Variants in RHBDF2 observed in about 807,000 individuals in gnomAD.
RHBDF2 encodes the protein inactive rhomboid protein 2.
In RHBDF2, 38 loss-of-function variants were observed where a neutral mutation model predicts 95.2. That is an observed-to-expected ratio of 0.40 (90% confidence interval 0.31 to 0.52). The LOEUF is 0.52. RHBDF2 is among the 20% of genes least tolerant of loss of function. The probability of loss-of-function intolerance (pLI) is 0.56; values close to 1 mark genes in which losing one functional copy is unlikely to be tolerated. For synonymous variants in RHBDF2, 442 were observed against 462.0 expected (o/e 0.96, Z 0.55); for missense variants, 863 against 1,137.7 (o/e 0.76, Z 3.47).
At position 76,476,583 on chromosome 17, in the gene RHBDF2, G is replaced by A. The variant is rs1048755407; in HGVS notation, c.1115+247C>T. Reference sequence around the variant, plus strand: ...ACATTTGTTGACTGACTGCTGTCTGGGAGCAAGGCTGGGGACCAGGCTCAG... The same window carrying A: ...ACATTTGTTGACTGACTGCTGTCTGAGAGCAAGGCTGGGGACCAGGCTCAG... On this transcript the variant is annotated intron_variant, in intron 9 of 18. Coordinates refer to ENST00000675367, the MANE Select transcript of RHBDF2 (RefSeq NM_001005498.4). The A allele has an allele frequency of 9.6e-6, 5 of 522,352 alleles. No individual in the cohort carries two copies. In the African/African-American group the frequency reaches 9.6e-5, roughly 10 times the overall value. 32.4% of individuals were successfully genotyped at this position (522,352 alleles called of 1,614,324 possible).
intron 2 of RHBDF2, among the ~76,000 whole-genome samples, chr17:76,483,855 G>C (rs922286739): frequency 1.3e-5 from 2 of 152,188 alleles, no homozygotes; most frequent in Non-Finnish European, 2.9e-5. Context: ...TTTCCTGTGC[G>C]TGTGCCACCA....
At chr17:76,481,686 G>T in intron 2 of RHBDF2, 141 bp from the exon 3 acceptor site, 1 of 698,726 alleles carries the variant, frequency 1.4e-6, no homozygotes. Flanking sequence ...TGGGCGCGGT[G>T]GCTCACGCCT....
At chr17:76,473,540 A>G in intron 15 of RHBDF2, 108 bp downstream of exon 15, 2 of 1,040,506 alleles carry the variant, frequency 1.9e-6, no homozygotes, top group East Asian at 2.6e-5. Flanking sequence ...ATTGGAGGGC[A>G]TCGGCCCAGC....
rs888197011 is a variant in RHBDF2 at position 76,471,431 on chromosome 17, C to T, written c.*202G>A. 1 of 601,982 alleles carries T rather than the reference C, an allele frequency of 1.7e-6. No individual in the cohort carries two copies. Among genetic ancestry groups the T allele is most frequent in the African/African-American group, 1.9e-5 (1 of 53,896 alleles). 37.3% of individuals were successfully genotyped at this position (601,982 alleles called of 1,614,324 possible). A position where few individuals can be genotyped will look rare whatever the true frequency, so the allele number is the denominator to read the frequency against. On this transcript the variant is annotated 3_prime_UTR_variant, in exon 19 of 19. Coordinates refer to ENST00000675367, the MANE Select transcript of RHBDF2 (RefSeq NM_001005498.4). Reference sequence around the variant, plus strand: ...GAGCTTGGGTCAGGATCTCACAGGCCTCACGCCCCAGAAAAACCCCGCCTT... The same window carrying T: ...GAGCTTGGGTCAGGATCTCACAGGCTTCACGCCCCAGAAAAACCCCGCCTT...
chr17:76,479,438 G>T, intron 4 of RHBDF2, 161 bp from the exon 5 acceptor site: 1 of 1,060,678 alleles, frequency 9.4e-7, no homozygotes, highest in Non-Finnish European at 1.4e-6. Flanking sequence ...GACCAGATGA[G>T]CAGAAGCAGG....
intron 1 of RHBDF2, among the ~76,000 whole-genome samples, chr17:76,489,481 A>G (rs1168294288): frequency 6.6e-6 from 1 of 151,968 alleles, no homozygotes; most frequent in Middle Eastern, 3.4e-3. Flanking sequence ...CCGCCACCAC[A>G]CCCGGCTAAT....
chr17:76,481,577 C>G (rs767081359), intron 2 of RHBDF2, 32 bp from the exon 3 acceptor site: 21 of 1,575,036 alleles, frequency 1.3e-5, no homozygotes, highest in Non-Finnish European at 1.5e-5. Context: ...CAGCGGTGGG[C>G]GGTGCGGGGT....
chr17:76,492,195 G>A (rs2074317886), intron 1 of RHBDF2, among the ~76,000 whole-genome samples: 1 of 152,126 alleles, frequency 6.6e-6, no homozygotes, highest in South Asian at 2.1e-4. Flanking sequence ...CCTCCTTTAG[G>A]GTGGGGCGGG....
intron 2 of RHBDF2, among the ~76,000 whole-genome samples, chr17:76,482,153 AATTTCTG>A (rs1254077625): frequency 1.3e-5 from 2 of 151,954 alleles, no homozygotes; most frequent in Non-Finnish European, 2.9e-5. Flanking sequence ...TACCTCATTC[AATTTCTG>A]ATCTCTCCGC....
rs3744044 is a variant in RHBDF2, at chr17:76,478,932, C to T, written c.546G>A (p.Pro182=). 742 of 1,603,950 alleles carry T rather than the reference C, an allele frequency of 4.6e-4. 6 individuals carry two copies. In the East Asian group the frequency reaches 0.01, roughly 22 times the overall value. Reference sequence around the variant, plus strand: ...TGAGGGACAGGACTCCGGGGGTCAGCGGTGGGTGCGGGGCGTGGGGCCTGT... The same window carrying T: ...TGAGGGACAGGACTCCGGGGGTCAGTGGTGGGTGCGGGGCGTGGGGCCTGT... ...EMDRPHAPHP[P]LTPGVLSLTS... is the part of the protein sequence containing the mutation. The change falls in exon 6 of 19, where the codon CCG becomes CCA. Residue 182 remains proline (P), a synonymous_variant. Coordinates refer to ENST00000675367, the MANE Select transcript of RHBDF2 (RefSeq NM_001005498.4).
intron 15 of RHBDF2, 65 bp downstream of exon 15, chr17:76,473,583 G>A: frequency 1.5e-6 from 2 of 1,345,424 alleles, no homozygotes; most frequent in Non-Finnish European, 2.1e-6. Flanking sequence ...GGAGCAGAGG[G>A]CCCACAGGAA....
intron 2 of RHBDF2, chr17:76,482,004 A>ACACACACACACACACAC (rs2073987229): frequency 8.3e-5 from 2 of 24,196 alleles, no homozygotes; most frequent in Non-Finnish European, 1.6e-4. Flanking sequence ...CACACACACA[A>ACACACACACACACACAC]AACCAAAAAC....
At chr17:76,480,284 T>C (rs1028815723) in intron 3 of RHBDF2, among the ~76,000 whole-genome samples, 5 of 149,738 alleles carry the variant, frequency 3.3e-5, no homozygotes, top group Non-Finnish European at 7.4e-5. Flanking sequence ...GGTTTCACCA[T>C]GTTGGCCAGG....
intron 10 of RHBDF2, 46 bp downstream of exon 10, chr17:76,474,984 C>T (rs1270769381): frequency 2.6e-6 from 4 of 1,513,856 alleles, no homozygotes; most frequent in South Asian, 1.2e-5. Context: ...ACTGAGGCCT[C>T]CTAGGAGAGG....
In RHBDF2 at chr17:76,473,848, A is replaced by T; in HGVS notation, c.1629T>A (p.Thr543=). ...SGAHIWPDDI[T]KWPICTEQAR... ...CGCCAGGGACACTCACCGGCCACTT[A>T]GTGATGTCATCGGGCCAGATGTGGG... The change falls in exon 14 of 19, where the codon ACT becomes ACA. Residue 543 remains threonine, a synonymous_variant. Coordinates refer to ENST00000675367, the MANE Select transcript of RHBDF2 (RefSeq NM_001005498.4). 6.2e-7 allele frequency: 1 copy of T among 1,614,048 alleles called. No homozygotes were observed. The highest frequency in any genetic ancestry group is 8.5e-7 in the Non-Finnish European group (1 of 1,179,992).
At chr17:76,477,381 C>T (rs1427401133) in intron 7 of RHBDF2, 83 bp from the exon 8 acceptor site, 14 of 1,467,730 alleles carry the variant, frequency 9.5e-6, no homozygotes, top group Non-Finnish European at 1.3e-5. Flanking sequence ...GGGCAGGACA[C>T]AGCTGAACAG....
chr17:76,492,586 G>A (rs1246190364), intron 1 of RHBDF2, among the ~76,000 whole-genome samples: 3 of 152,094 alleles, frequency 2.0e-5, no homozygotes, highest in Admixed American at 6.5e-5. Flanking sequence ...CCTCCACGCG[G>A]GCCCAGCCCA....
At chr17:76,496,626 G>A (rs1034310579) in intron 1 of RHBDF2, among the ~76,000 whole-genome samples, 1 of 152,226 alleles carries the variant, frequency 6.6e-6, no homozygotes, top group African/African-American at 2.4e-5. Context: ...ATTTAGTTGA[G>A]GCTAAGGGTG....
At chr17:76,489,119 C>A (rs2074228305) in intron 1 of RHBDF2, among the ~76,000 whole-genome samples, 1 of 151,986 alleles carries the variant, frequency 6.6e-6, no homozygotes, top group African/African-American at 2.4e-5. Context: ...GAGCAAGACT[C>A]CGTCTCGAAA....
Sources: allele counts gnomAD v4.1 joint callset (sites outside exome capture counted in the v4.1 genomes callset), GRCh38; gene constraint gnomAD v4.1.1; transcripts MANE v1.5; gene names NCBI Gene and HGNC (gene_info 2026-07-23, HGNC 2026-07-21).